Variants in SLC35F3 observed in about 807,000 individuals in gnomAD.
SLC35F3 encodes solute carrier family 35 member F3, also known as putative thiamine transporter SLC35F3.
Under a neutral mutation model 49.9 loss-of-function variants are expected in SLC35F3, and 25 were observed. The ratio of observed to expected loss-of-function variants is 0.50; its 90% CI spans 0.37 to 0.70. The LOEUF is 0.70. Among genes scored for constraint, SLC35F3 ranks in the 30% least tolerant of loss-of-function variants. SLC35F3 has a pLI of 0.00. For missense variants in SLC35F3, 525 were observed against 639.8 expected (o/e 0.82, Z 1.94); for synonymous variants, 275 against 265.4 (o/e 1.04, Z -0.35).
intron 2 of SLC35F3, among the ~76,000 whole-genome samples, chr1:234,077,314 TTTAA>T (rs1664807878): frequency 6.6e-6 from 1 of 151,880 alleles, no homozygotes; most frequent in African/African-American, 2.4e-5. Flanking sequence ...AAGAAAGAGG[TTTAA>T]TTGACTCACA....
rs570453310 is a variant in SLC35F3 at position 234,234,499 on chromosome 1, C to T, written c.608+2758C>T. ...GTGGGTCTGAGTGGATCTGAGATTC[C>T]GCTTTTCTAGGGAACTTCCAGGGAA... On this transcript the variant is annotated intron_variant, in intron 3 of 7. Coordinates refer to ENST00000366618, the MANE Select transcript of SLC35F3 (RefSeq NM_173508.4). Among the ~76,000 whole-genome samples the T allele has an allele frequency of 2.8e-4, 42 of 152,256 alleles. No homozygotes were observed. In the South Asian group the frequency reaches 6.8e-3, roughly 25 times the overall value.
intron 2 of SLC35F3, among the ~76,000 whole-genome samples, chr1:233,985,316 T>C (rs1034700796): frequency 1.3e-5 from 2 of 152,252 alleles, no homozygotes; most frequent in African/African-American, 2.4e-5. Flanking sequence ...AAACTTGTCA[T>C]GTAGCTTCTG....
chr1:234,094,352 C>T (rs1665087618), intron 2 of SLC35F3, among the ~76,000 whole-genome samples: 1 of 152,214 alleles, frequency 6.6e-6, no homozygotes, highest in South Asian at 2.1e-4. Flanking sequence ...CTTTTTAAAT[C>T]CTCTAGCTTC....
intron 2 of SLC35F3, among the ~76,000 whole-genome samples, chr1:234,192,843 A>C (rs1035747826): frequency 6.6e-6 from 1 of 152,158 alleles, no homozygotes; most frequent in Non-Finnish European, 1.5e-5. Flanking sequence ...CCTTTTTACA[A>C]ATGCTGCAAA....
intron 2 of SLC35F3, among the ~76,000 whole-genome samples, chr1:233,934,794 T>C (rs1381636125): frequency 1.3e-5 from 1 of 77,788 alleles, no homozygotes; most frequent in African/African-American, 3.5e-5. Context: ...CAAAGGTAGC[T>C]CCCTATGCAG....
intron 2 of SLC35F3, among the ~76,000 whole-genome samples, chr1:233,990,175 T>C (rs1178872296): frequency 2.6e-5 from 4 of 152,236 alleles, no homozygotes; most frequent in African/African-American, 9.6e-5. Flanking sequence ...CTTTAAAATA[T>C]ATGTTTTAGC....
At chr1:234,058,804 G>GTT (rs200101159) in intron 2 of SLC35F3, among the ~76,000 whole-genome samples, 1 of 151,206 alleles carries the variant, frequency 6.6e-6, no homozygotes, top group African/African-American at 2.4e-5. Context: ...ATTTTTTTGG[G>GTT]TTTTTTTTGG....
chr1:234,231,588 C>A lies in SLC35F3; in HGVS notation c.455C>A (p.Ser152Tyr). The A allele has an allele frequency of 6.2e-7, 1 of 1,614,212 alleles. No homozygotes were observed. Among genetic ancestry groups the A allele is most frequent in the Non-Finnish European group, 8.5e-7 (1 of 1,180,032 alleles). Residue 152 changes from serine (S) to tyrosine (Y), a missense_variant, in exon 3 of 8, where the codon TCC becomes TAC. Transcript: ENST00000366618. The surrounding 1 kb of genome is among the most constrained non-coding windows in gnomAD (Gnocchi z 5.4). ...TGCGTGTGCTCCTCGTGGGCGGGCT[C>A]CACGCAGCTCGCCAAGCTGACCTTC... ...VLCVCSSWAG[S>Y]TQLAKLTFRK...
At chr1:234,279,912 T>C (rs1224527194) in intron 3 of SLC35F3, among the ~76,000 whole-genome samples, 1 of 152,210 alleles carries the variant, frequency 6.6e-6, no homozygotes, top group Non-Finnish European at 1.5e-5. Context: ...ACAGGCACAT[T>C]AGTTGGACTT....
intron 2 of SLC35F3, among the ~76,000 whole-genome samples, chr1:234,203,914 A>T (rs1666934936): frequency 6.6e-6 from 1 of 152,226 alleles, no homozygotes. Context: ...GATAATATGT[A>T]GCTAACATAC....
chr1:234,097,632 C>T (rs1169501491), intron 2 of SLC35F3, among the ~76,000 whole-genome samples: 1 of 152,100 alleles, frequency 6.6e-6, no homozygotes, highest in Non-Finnish European at 1.5e-5. Context: ...GGGGAGAAGT[C>T]ATGGAACCTG....
intron 2 of SLC35F3, among the ~76,000 whole-genome samples, chr1:234,064,043 G>C (rs1372388576): frequency 1.3e-5 from 2 of 152,188 alleles, no homozygotes; most frequent in Non-Finnish European, 2.9e-5. Flanking sequence ...TTTTCACTGG[G>C]AAGCATGTCT....
chr1:234,166,874 C>G (rs1312833236), intron 2 of SLC35F3, among the ~76,000 whole-genome samples: 1 of 152,200 alleles, frequency 6.6e-6, no homozygotes, highest in Non-Finnish European at 1.5e-5. Context: ...ATGGGGTTAA[C>G]TAACAGACCC....
At chr1:234,098,259 TGTTGG>T (rs1377366465) in intron 2 of SLC35F3, among the ~76,000 whole-genome samples, 8 of 143,746 alleles carry the variant, frequency 5.6e-5, no homozygotes, top group South Asian at 2.3e-4. Context: ...GGTGATTGTG[TGTTGG>T]TGGTGGTGGT....
chr1:234,280,504 C>T (rs1415871006), intron 3 of SLC35F3, among the ~76,000 whole-genome samples: 1 of 152,180 alleles, frequency 6.6e-6, no homozygotes, highest in Non-Finnish European at 1.5e-5. Flanking sequence ...ACCAGGAAGT[C>T]TCAGCACAAT....
At chr1:234,240,534 G>A (rs1013246802) in intron 3 of SLC35F3, among the ~76,000 whole-genome samples, 2 of 152,058 alleles carry the variant, frequency 1.3e-5, no homozygotes, top group East Asian at 3.9e-4. Flanking sequence ...GAATCCAGGA[G>A]GCAGAGGTTG....
intron 2 of SLC35F3, among the ~76,000 whole-genome samples, chr1:234,013,013 C>G (rs1663747546): frequency 6.6e-6 from 1 of 152,166 alleles, no homozygotes; most frequent in South Asian, 2.1e-4. Context: ...AACATTTCAT[C>G]TAACAGCATC....
At chr1:234,223,093 T>C (rs916224801) in intron 2 of SLC35F3, among the ~76,000 whole-genome samples, 2 of 152,180 alleles carry the variant, frequency 1.3e-5, no homozygotes, top group South Asian at 4.1e-4. Context: ...CAAACAGTAT[T>C]ATTTAAGGCT....
intron 2 of SLC35F3, among the ~76,000 whole-genome samples, chr1:234,124,644 G>A (rs899362293): frequency 2.0e-5 from 3 of 151,948 alleles, no homozygotes; most frequent in Admixed American, 6.6e-5. Context: ...CGGTGGGAGC[G>A]TTACTTGAGG....
Sources: gnomAD v4.1 joint callset for allele counts (sites outside exome capture counted in the v4.1 genomes callset) on GRCh38, gnomAD v4.1.1 for gene constraint, Gnocchi (gnomAD v3.1) non-coding constraint, MANE v1.5 for transcripts, NCBI Gene and HGNC (gene_info 2026-07-23, HGNC 2026-07-21) for gene names.